SPATA16: variants seen among roughly 807,000 people sequenced by gnomAD.
SPATA16 encodes the protein spermatogenesis-associated protein 16.
SPATA16 carries 36 observed loss-of-function variants against 63.3 expected under a neutral mutation model. The observed-to-expected ratio is 0.57, with a 90% confidence interval of 0.44 to 0.75. SPATA16 has a LOEUF of 0.75. Among genes scored for constraint, SPATA16 ranks in the 30% least tolerant of loss-of-function variants. The probability of loss-of-function intolerance (pLI) is 0.00; values close to 1 mark genes in which losing one functional copy is unlikely to be tolerated. For missense variants in SPATA16, 646 were observed against 679.3 expected (o/e 0.95, Z 0.54); for synonymous variants, 203 against 216.7 (o/e 0.94, Z 0.56).
At chr3:172,897,543 A>G (rs1042196254) in intron 10 of SPATA16, among the ~76,000 whole-genome samples, 1 of 152,116 alleles carries the variant, frequency 6.6e-6, no homozygotes, top group African/African-American at 2.4e-5. Context: ...CATTTATTTG[A>G]GCAATTGTAA....
chr3:173,118,065 A>G (rs1377459213), intron 1 of SPATA16, among the ~76,000 whole-genome samples: 2 of 152,192 alleles, frequency 1.3e-5, no homozygotes, highest in African/African-American at 2.4e-5. Flanking sequence ...AATTTTATAC[A>G]TAGCCACTGA....
intron 4 of SPATA16, among the ~76,000 whole-genome samples, chr3:173,010,606 C>T (rs987101677): frequency 6.6e-6 from 1 of 152,188 alleles, no homozygotes; most frequent in African/African-American, 2.4e-5. Flanking sequence ...GTGCCTCTAG[C>T]TTGCCGCAAC....
At chr3:172,985,798 G>T (rs1162772729) in intron 4 of SPATA16, among the ~76,000 whole-genome samples, 2 of 152,112 alleles carry the variant, frequency 1.3e-5, no homozygotes, top group South Asian at 4.2e-4. Context: ...GAGAAGCAGA[G>T]GGTTTGTGTA....
At chr3:173,058,940 T>C (rs1305771357) in intron 2 of SPATA16, among the ~76,000 whole-genome samples, 1 of 152,056 alleles carries the variant, frequency 6.6e-6, no homozygotes, top group African/African-American at 2.4e-5. Context: ...CCTTTTTTTT[T>C]CCTTTTTAAT....
Position 172,961,069 on chromosome 3 carries a change from T to TCTTCCTTTCTTCCTTCCTTCCTTCCTTC in SPATA16, c.934-4246_934-4245insGAAGGAAGGAAGGAAGGAAGAAAGGAAG, listed in dbSNP as rs1560080344. On this transcript the variant is annotated intron_variant, in intron 5 of 10. Transcript: ENST00000351008. ...CTTTCTTCTTTCTTTCTTTCTTCTTTCTTCCTTCCTTCCTTCCTTCCTTCC... is the reference window on the plus strand; with the variant it reads ...CTTTCTTCTTTCTTTCTTTCTTCTTTCTTCCTTTCTTCCTTCCTTCCTTCCTTCCTTCCTTCCTTCCTTCCTTCCTTCC... Among the ~76,000 whole-genome samples, 18 of 72,384 alleles carry TCTTCCTTTCTTCCTTCCTTCCTTCCTTC rather than the reference T, an allele frequency of 2.5e-4. 1 individual carries two copies. The highest frequency in any genetic ancestry group is 1.1e-3 in the African/African-American group (18 of 15,982). 47.5% of individuals were successfully genotyped at this position (72,384 alleles called of 152,430 possible).
intron 6 of SPATA16, among the ~76,000 whole-genome samples, chr3:172,932,089 T>G (rs1308012121): frequency 6.6e-6 from 1 of 152,198 alleles, no homozygotes; most frequent in Non-Finnish European, 1.5e-5. Context: ...GTATTTGTTA[T>G]GTAGTTAAAT....
At chr3:173,130,088 C>T (rs1444817461) in intron 1 of SPATA16, among the ~76,000 whole-genome samples, 1 of 152,132 alleles carries the variant, frequency 6.6e-6, no homozygotes, top group African/African-American at 2.4e-5. Context: ...ATCGCCCGGG[C>T]GCGGTGGCTC....
intron 3 of SPATA16, among the ~76,000 whole-genome samples, chr3:173,035,475 C>T (rs961861960): frequency 1.6e-4 from 24 of 151,976 alleles, no homozygotes; most frequent in African/African-American, 5.6e-4. Context: ...TATTAACAAC[C>T]GCCCTGTAAA....
At chr3:172,958,651 C>G (rs563983114) in intron 5 of SPATA16, among the ~76,000 whole-genome samples, 9 of 152,274 alleles carry the variant, frequency 5.9e-5, no homozygotes, top group African/African-American at 2.2e-4. Flanking sequence ...TTTATTTTCT[C>G]ACAGTTCTGG....
rs1733765056 is a variant in SPATA16, at chr3:172,961,069, T to TCTCCCTTCCTTCCTTCCTTC, written c.934-4246_934-4245insGAAGGAAGGAAGGAAGGGAG. 5.5e-5 allele frequency among the ~76,000 whole-genome samples: 4 copies of TCTCCCTTCCTTCCTTCCTTC among 72,384 alleles called. No individual in the cohort carries two copies. In the East Asian group the frequency reaches 1.5e-3, roughly 27 times the overall value. The allele number at this position is 72,384 out of a possible 152,430, so 47.5% of individuals were successfully genotyped here. On this transcript the variant is annotated intron_variant, in intron 5 of 10. Coordinates refer to ENST00000351008, the MANE Select transcript of SPATA16 (RefSeq NM_031955.6). The stretch of plus-strand genomic sequence containing the variant: ...CTTTCTTCTTTCTTTCTTTCTTCTT[T>TCTCCCTTCCTTCCTTCCTTC]CTTCCTTCCTTCCTTCCTTCCTTCC...
At chr3:172,891,058 C>T (rs1731885946) in intron 10 of SPATA16, among the ~76,000 whole-genome samples, 1 of 150,074 alleles carries the variant, frequency 6.7e-6, no homozygotes, top group African/African-American at 2.4e-5. Flanking sequence ...AAAAAATTAA[C>T]ATGGAGCACA....
intron 1 of SPATA16, among the ~76,000 whole-genome samples, chr3:173,129,202 G>A (rs1205600275): frequency 6.6e-6 from 1 of 152,206 alleles, no homozygotes; most frequent in Non-Finnish European, 1.5e-5. Context: ...AGGAGCAAGA[G>A]ATCAGAAATG....
At chr3:172,928,415 G>C (rs915469639) in intron 6 of SPATA16, among the ~76,000 whole-genome samples, 5 of 152,174 alleles carry the variant, frequency 3.3e-5, no homozygotes, top group Admixed American at 2.6e-4. Context: ...ATTAGCAAGG[G>C]GAGAGCTTAC....
chr3:173,070,626 T>C (rs1039951647), intron 2 of SPATA16, among the ~76,000 whole-genome samples: 27 of 152,100 alleles, frequency 1.8e-4, no homozygotes, highest in African/African-American at 6.5e-4. Flanking sequence ...AATTGCAGGA[T>C]ACAAAATCAT....
chr3:172,988,360 G>A (rs931666569), intron 4 of SPATA16, among the ~76,000 whole-genome samples: 8 of 152,266 alleles, frequency 5.3e-5, no homozygotes, highest in African/African-American at 1.7e-4. Flanking sequence ...TTTCCTTTTC[G>A]GTGTTTCTCA....
chr3:173,033,489 T>C (rs1373730994), intron 3 of SPATA16, among the ~76,000 whole-genome samples: 1 of 152,174 alleles, frequency 6.6e-6, no homozygotes, highest in Admixed American at 6.5e-5. Context: ...TATCTTTCCT[T>C]TGGAGTCTGT....
At chr3:172,929,653 C>T (rs1468059621) in intron 6 of SPATA16, among the ~76,000 whole-genome samples, 1 of 152,132 alleles carries the variant, frequency 6.6e-6, no homozygotes, top group Non-Finnish European at 1.5e-5. Flanking sequence ...CTCACTGATA[C>T]TCTCTTCATA....
At chr3:173,043,439 C>T (rs1459535058) in intron 3 of SPATA16, among the ~76,000 whole-genome samples, 2 of 151,814 alleles carry the variant, frequency 1.3e-5, no homozygotes, top group African/African-American at 4.8e-5. Context: ...ACCCACAGGC[C>T]TTTGTGATAT....
intron 6 of SPATA16, among the ~76,000 whole-genome samples, chr3:172,932,203 A>C (rs899714095): frequency 1.3e-5 from 2 of 152,244 alleles, no homozygotes; most frequent in African/African-American, 4.8e-5. Flanking sequence ...CACAGCCAAC[A>C]GATCATGAAG....
Sources: allele counts gnomAD v4.1 joint callset (sites outside exome capture counted in the v4.1 genomes callset), GRCh38; gene constraint gnomAD v4.1.1; transcripts MANE v1.5; gene names NCBI Gene and HGNC (gene_info 2026-07-23, HGNC 2026-07-21).